Variants in PCDHGA6 observed in about 807,000 individuals in gnomAD.
PCDHGA6 encodes protocadherin gamma-A6.
In PCDHGA6, 41 loss-of-function variants were observed where a neutral mutation model predicts 60.6. That is an observed-to-expected ratio of 0.68 (90% CI 0.53 to 0.88). The LOEUF is 0.88. PCDHGA6 is among the 40% of genes least tolerant of loss of function. The pLI, the probability that PCDHGA6 is intolerant of heterozygous loss-of-function variation, is 0.00. For synonymous variants in PCDHGA6, 594 were observed against 524.4 expected (o/e 1.13, Z -1.81); for missense variants, 1,312 against 1,203.0 (o/e 1.09, Z -1.34).
chr5:141,414,087 A>G (rs377653676), intron 1 of PCDHGA6: 31 of 1,599,656 alleles, frequency 1.9e-5, no homozygotes, highest in Middle Eastern at 3.3e-4. Context: ...ATACTGGAGA[A>G]ATAAAAATAT....
Position 141,423,504 on chromosome 5 carries a change from T to G in PCDHGA6, c.2424+46997T>G, listed in dbSNP as rs1448233226. ...TGCAAACCTATTCCCACGAGGTCTCTCTCATTGCGGACTCGCAGAAGAGTC... is the reference window on the plus strand; with the variant it reads ...TGCAAACCTATTCCCACGAGGTCTCGCTCATTGCGGACTCGCAGAAGAGTC... On this transcript the variant is annotated intron_variant, in intron 1 of 3. Transcript: ENST00000517434. The G allele has an allele frequency of 3.1e-6, 5 of 1,613,770 alleles. No individual in the cohort carries two copies. The Admixed American group carries it at 8.3e-5, about 27-fold the overall frequency.
intron 1 of PCDHGA6, among the ~76,000 whole-genome samples, chr5:141,464,076 C>A (rs561982216): frequency 3.1e-4 from 47 of 152,132 alleles, no homozygotes; most frequent in African/African-American, 9.4e-4. Context: ...GCCAGCCTGG[C>A]CAACATGGTG....
chr5:141,499,570 A>G (rs1027373056), intron 2 of PCDHGA6, among the ~76,000 whole-genome samples: 2 of 152,200 alleles, frequency 1.3e-5, no homozygotes, highest in African/African-American at 4.8e-5. Context: ...TCCAGCTTCA[A>G]CTAATGCCTT....
intron 1 of PCDHGA6, among the ~76,000 whole-genome samples, chr5:141,483,638 G>A (rs1159840764): frequency 1.4e-5 from 2 of 147,222 alleles, no homozygotes; most frequent in South Asian, 2.1e-4. Flanking sequence ...AGGTATAGAG[G>A]GGTGTGTGTT....
Position 141,476,745 on chromosome 5 carries a change from T to C in PCDHGA6, c.2425-18062T>C, listed in dbSNP as rs1372622323. 6.2e-7 allele frequency: 1 copy of C among 1,613,958 alleles called. No individual in the cohort carries two copies. On this transcript the variant is annotated intron_variant, in intron 1 of 3. Coordinates refer to ENST00000517434, the MANE Select transcript of PCDHGA6 (RefSeq NM_018919.3). This position sits in a 1 kb window ranked among gnomAD's most constrained non-coding sequence, Gnocchi z 7.6. The stretch of plus-strand genomic sequence containing the variant: ...CTGGACCGAGAACGGGAGCCTAGTC[T>C]CCAGTTAGTGCTGACGGCGTTGGAC...
chr5:141,415,067 G>A, intron 1 of PCDHGA6: 1 of 1,613,398 alleles, frequency 6.2e-7, no homozygotes, highest in Non-Finnish European at 8.5e-7. Context: ...GGCGAGGTGC[G>A]CACGGCGCGA....
At chr5:141,498,709 A>G (rs1245852373) in intron 2 of PCDHGA6, among the ~76,000 whole-genome samples, 2 of 152,148 alleles carry the variant, frequency 1.3e-5, no homozygotes, top group African/African-American at 4.8e-5. Context: ...AGGTGGGTGG[A>G]TCACCTGAGG....
chr5:141,447,516 A>G (rs997127013), intron 1 of PCDHGA6, among the ~76,000 whole-genome samples: 1 of 152,220 alleles, frequency 6.6e-6, no homozygotes, highest in African/African-American at 2.4e-5. Flanking sequence ...ATGCATAACA[A>G]TCATAACAAA....
At chr5:141,394,239 G>A (rs530540432) in intron 1 of PCDHGA6, 1 of 1,613,868 alleles carries the variant, frequency 6.2e-7, no homozygotes, top group South Asian at 1.1e-5. Flanking sequence ...TTCCTTGACT[G>A]CACACGACCC....
At chr5:141,462,893 G>A (rs577241413) in intron 1 of PCDHGA6, among the ~76,000 whole-genome samples, 68 of 152,170 alleles carry the variant, frequency 4.5e-4, no homozygotes, top group African/African-American at 1.4e-3. Context: ...AGTTTGTTTT[G>A]GAAGGCTATT....
chr5:141,413,319 C>T, intron 1 of PCDHGA6: 1 of 1,613,960 alleles, frequency 6.2e-7, no homozygotes, highest in South Asian at 1.1e-5. Context: ...AAGGCTCTTT[C>T]GTGGGCAACA....
chr5:141,383,476 G>A, intron 1 of PCDHGA6: 1 of 1,613,748 alleles, frequency 6.2e-7, no homozygotes, highest in Non-Finnish European at 8.5e-7. Flanking sequence ...TAAGTACCCG[G>A]AACTGGTGCT....
chr5:141,390,749 ACT>A (rs2092225079), intron 1 of PCDHGA6: 1 of 170,960 alleles, frequency 5.8e-6, no homozygotes, highest in Admixed American at 5.7e-5. Flanking sequence ...ATAGTAGTCC[ACT>A]GTTTTGTTTC....
chr5:141,410,778 G>T, intron 1 of PCDHGA6: 3 of 818,726 alleles, frequency 3.7e-6, no homozygotes, highest in Non-Finnish European at 3.4e-6. Flanking sequence ...TTTTCACTAT[G>T]TATTTGGTTC....
At chr5:141,413,407 CT>C (rs758693256) in intron 1 of PCDHGA6, 3 of 1,613,926 alleles carry the variant, frequency 1.9e-6, no homozygotes, top group Non-Finnish European at 2.5e-6. Flanking sequence ...TAGGACGCAG[CT>C]TTTCTCTCTG....
rs777637519 is a variant in PCDHGA6, at chr5:141,376,250, C to T, written c.2167C>T (p.Arg723Cys). The T allele has an allele frequency of 8.1e-6, 13 of 1,614,128 alleles. No individual in the cohort carries two copies. The highest frequency in any genetic ancestry group is 8.0e-5 in the African/African-American group (6 of 74,946). Residue 723 changes from arginine (R) to cysteine (C), a missense_variant, in exon 1 of 4, where the codon CGC (arginine) becomes TGC (cysteine). By Grantham distance (180) the Arg-to-Cys change is radical (BLOSUM62 -3). Coordinates refer to ENST00000517434, the MANE Select transcript of PCDHGA6 (RefSeq NM_018919.3). ...CAGACTGCAGCGCTGGCACAAGTCA[C>T]GCCTGCTGCAGGCTTCGGGAGGTGG... ...ALRLQRWHKS[R>C]LLQASGGGLA...
intron 1 of PCDHGA6, among the ~76,000 whole-genome samples, chr5:141,458,227 G>T (rs2154566190): frequency 6.6e-6 from 1 of 152,284 alleles, no homozygotes; most frequent in South Asian, 2.1e-4. Context: ...TCCTTTCCCA[G>T]TCCATGCACC....
Position 141,374,798 on chromosome 5 carries a change from A to T in PCDHGA6, c.715A>T (p.Thr239Ser). The T allele has an allele frequency of 6.2e-7, 1 of 1,613,784 alleles. No homozygotes were observed. Among genetic ancestry groups the T allele is most frequent in the Non-Finnish European group, 8.5e-7 (1 of 1,179,832 alleles). Reference protein sequence around the residue: ...LVTVLDVNDNTPMFTQPVYRV... With the variant: ...LVTVLDVNDNSPMFTQPVYRV... ...AACAGTTCTAGATGTGAATGACAAC[A>T]CTCCAATGTTTACTCAGCCTGTCTA... is the stretch of plus-strand genomic sequence containing the variant. The change falls in exon 1 of 4, where the codon ACT becomes TCT. Residue 239 changes from threonine (T) to serine (S), a missense_variant. Thr to Ser is a moderately conservative substitution (Grantham distance 58). Transcript: ENST00000517434.
intron 1 of PCDHGA6, among the ~76,000 whole-genome samples, chr5:141,451,727 C>A (rs2098722766): frequency 6.6e-6 from 1 of 152,014 alleles, no homozygotes; most frequent in Admixed American, 6.6e-5. Flanking sequence ...ACTAAAAATA[C>A]AAAAATTAGC....
Sources: allele counts gnomAD v4.1 joint callset (sites outside exome capture counted in the v4.1 genomes callset), GRCh38; gene constraint gnomAD v4.1.1; non-coding constraint Gnocchi (gnomAD v3.1); transcripts MANE v1.5; gene names NCBI Gene and HGNC (gene_info 2026-07-23, HGNC 2026-07-21).